Variants in IFT88 observed in about 807,000 individuals in gnomAD.
The protein encoded by IFT88 is intraflagellar transport 88.
A neutral mutation model predicts 119.5 loss-of-function variants in IFT88; 74 were observed. The observed-to-expected ratio is 0.62, with a 90% CI of 0.51 to 0.75. The LOEUF is 0.75. IFT88 is among the 30% of genes least tolerant of loss of function. The pLI is 0.00. For synonymous variants in IFT88, 279 were observed against 316.7 expected, an observed-to-expected ratio of 0.88 and a Z score of 1.26; for missense variants, 961 against 977.7, an observed-to-expected ratio of 0.98 and a Z score of 0.23.
intron 15 of IFT88, among the ~76,000 whole-genome samples, chr13:20,627,032 T>A (rs2047449919): frequency 6.6e-6 from 1 of 152,188 alleles, no homozygotes; most frequent in South Asian, 2.1e-4. Context: ...GAACATTATC[T>A]ACTAAAGAAT....
At chr13:20,658,569 T>C (rs981045880) in intron 22 of IFT88, among the ~76,000 whole-genome samples, 12 of 152,334 alleles carry the variant, frequency 7.9e-5, no homozygotes, top group African/African-American at 2.2e-4. Context: ...TAACTTTTCT[T>C]GAAAGTGGAA....
chr13:20,673,264 C>T (rs75306444), intron 24 of IFT88, among the ~76,000 whole-genome samples: 1,855 of 152,302 alleles, frequency 0.012, 37 homozygotes, highest in African/African-American at 0.043. Context: ...TAAAATCTCT[C>T]CCCTTAACTT....
At chr13:20,635,713 G>A (rs1360754485) in intron 16 of IFT88, among the ~76,000 whole-genome samples, 2 of 152,042 alleles carry the variant, frequency 1.3e-5, no homozygotes, top group East Asian at 1.9e-4. Flanking sequence ...ATCATACACC[G>A]GGGCCTGTCG....
At chr13:20,573,117 A>T (rs1372084461) in intron 1 of IFT88, among the ~76,000 whole-genome samples, 1 of 152,152 alleles carries the variant, frequency 6.6e-6, no homozygotes, top group African/African-American at 2.4e-5. Flanking sequence ...TGGGAGTGAA[A>T]CAGCAGTCAC....
chr13:20,643,546 C>G lies in IFT88; in HGVS notation c.1774C>G (p.Leu592Val). ...IPTDPQVLSKLGELYDREGDK... is the reference protein window; with the variant it reads ...IPTDPQVLSKVGELYDREGDK... ...AACCGATCCTCAAGTTTTATCTAAG[C>G]TAGGAGAATTATATGATCGTGAAGG... Residue 592 changes from leucine (L) to valine (V), a missense_variant, in exon 19 of 26, where the codon CTA (leucine) becomes GTA (valine). Transcript: ENST00000351808. 1 of 1,609,826 alleles carries G rather than the reference C, an allele frequency of 6.2e-7. No homozygotes were observed. The highest frequency in any genetic ancestry group is 8.5e-7 in the Non-Finnish European group (1 of 1,176,364).
Position 20,653,860 on chromosome 13 carries a change from T to C in IFT88, c.1950-16T>C. The C allele has an allele frequency of 1.4e-6, 2 of 1,477,578 alleles. No individual in the cohort carries two copies. The highest frequency in any genetic ancestry group is 1.8e-6 in the Non-Finnish European group (2 of 1,090,942). The allele number at this position is 1,477,578 out of a possible 1,614,324, so 91.5% of individuals were successfully genotyped here. On this transcript the variant is annotated splice_polypyrimidine_tract_variant and intron_variant, in intron 20 of 25. Coordinates refer to ENST00000351808, the MANE Select transcript of IFT88 (RefSeq NM_006531.5). ...TTTTTTTATCTCTAATTTCATCTCA[T>C]TTATTTATTTTATAGGCCTACACAA...
intron 20 of IFT88, among the ~76,000 whole-genome samples, chr13:20,653,350 C>T (rs1200594549): frequency 2.6e-5 from 4 of 152,066 alleles, no homozygotes; most frequent in Non-Finnish European, 5.9e-5. Flanking sequence ...TCTTGCCATC[C>T]TGAGATATTT....
At chr13:20,681,191 T>C (rs748350317) in intron 24 of IFT88, among the ~76,000 whole-genome samples, 3 of 152,210 alleles carry the variant, frequency 2.0e-5, no homozygotes, top group Non-Finnish European at 4.4e-5. Context: ...CCTGGGACAT[T>C]GTCCGTTTTA....
intron 14 of IFT88, among the ~76,000 whole-genome samples, chr13:20,617,467 A>C (rs2045821812): frequency 6.6e-6 from 1 of 152,150 alleles, no homozygotes; most frequent in Admixed American, 6.5e-5. Context: ...AGAATCCTTC[A>C]TTATCCAGTT....
At chr13:20,654,004 TC>T in intron 21 of IFT88, 76 bp downstream of exon 21, 1 of 738,388 alleles carries the variant, frequency 1.4e-6, no homozygotes, top group Admixed American at 2.6e-5. Flanking sequence ...ATAAATGTGA[TC>T]CAGTTGCATA....
intron 20 of IFT88, among the ~76,000 whole-genome samples, chr13:20,650,512 C>T (rs898964667): frequency 6.6e-6 from 1 of 152,130 alleles, no homozygotes; most frequent in Non-Finnish European, 1.5e-5. Flanking sequence ...TAACAGGATA[C>T]TGAATGGTGA....
chr13:20,588,520 T>A (rs1325245516), intron 3 of IFT88, among the ~76,000 whole-genome samples: 1 of 152,208 alleles, frequency 6.6e-6, no homozygotes, highest in Non-Finnish European at 1.5e-5. Flanking sequence ...GCTCTATGTC[T>A]GCACTACTCA....
intron 3 of IFT88, among the ~76,000 whole-genome samples, chr13:20,583,433 T>G (rs1051660456): frequency 2.0e-5 from 3 of 152,246 alleles, no homozygotes; most frequent in African/African-American, 7.2e-5. Flanking sequence ...TTCCATTGTA[T>G]GTTTATACCA....
Position 20,590,211 on chromosome 13 carries a change from G to T in IFT88, c.210+344G>T, listed in dbSNP as rs576691969. Among the ~76,000 whole-genome samples the T allele has an allele frequency of 2.9e-4, 44 of 152,070 alleles. No homozygotes were observed. The East Asian group carries it at 7.7e-3, about 27-fold the overall frequency. On this transcript the variant is annotated intron_variant, in intron 4 of 25. Coordinates refer to ENST00000351808, the MANE Select transcript of IFT88 (RefSeq NM_006531.5). ...CATAAATGTAATAGTGTATATAATT[G>T]GGAAACATTTACTAATTAACAAATA...
At chr13:20,623,843 ACCTCCT>A (rs1472823659) in intron 14 of IFT88, among the ~76,000 whole-genome samples, 1 of 151,916 alleles carries the variant, frequency 6.6e-6, no homozygotes. Context: ...CAAGTCTTTA[ACCTCCT>A]TGGTTATCCT....
intron 6 of IFT88, 28 bp downstream of exon 6, chr13:20,591,709 C>CT: frequency 3.4e-6 from 5 of 1,462,856 alleles, no homozygotes; most frequent in South Asian, 2.4e-5. Flanking sequence ...TACTAATAAT[C>CT]TTTTTTGGAT....
chr13:20,601,886 A>G lies in IFT88; in HGVS notation c.994A>G (p.Ile332Val), dbSNP rs1344701969. ...EKMKKAFQKL[I>V]TVPLEIDEDK... Reference sequence around the variant, plus strand: ...AATGAAGAAGGCATTCCAAAAATTGATTACTGTTCCATTAGAAATTGATGA... The same window carrying G: ...AATGAAGAAGGCATTCCAAAAATTGGTTACTGTTCCATTAGAAATTGATGA... Residue 332 changes from isoleucine (I) to valine (V), a missense_variant, in exon 12 of 26, where the codon ATT becomes GTT. Ile to Val is a conservative substitution (Grantham distance 29). Coordinates refer to ENST00000351808, the MANE Select transcript of IFT88 (RefSeq NM_006531.5). 1 of 1,609,622 alleles carries G rather than the reference A, an allele frequency of 6.2e-7. No individual in the cohort carries two copies. The highest frequency in any genetic ancestry group is 8.5e-7 in the Non-Finnish European group (1 of 1,175,974).
rs1388539905 is a variant in IFT88 at position 20,653,907 on chromosome 13, G to C, written c.1981G>C (p.Ala661Pro). 1.9e-6 allele frequency: 3 copies of C among 1,588,154 alleles called. No individual in the cohort carries two copies. Among genetic ancestry groups the C allele is most frequent in the Non-Finnish European group, 2.6e-6 (3 of 1,167,188 alleles). The stretch of plus-strand genomic sequence containing the variant: ...ACAAGTGAAATGGCAGCTGATGGTA[G>C]CTAGTTGTTTCAGAAGAAGTGGTAA... ...PTQVKWQLMVASCFRRSGNYQ... is the reference protein window; with the variant it reads ...PTQVKWQLMVPSCFRRSGNYQ... Residue 661 changes from alanine to proline, a missense_variant, in exon 21 of 26, where the codon GCT (alanine) becomes CCT (proline). Ala to Pro is a conservative substitution (Grantham distance 27, BLOSUM62 -1). Transcript: ENST00000351808.
intron 1 of IFT88, among the ~76,000 whole-genome samples, chr13:20,568,231 A>C (rs2035358517): frequency 6.6e-6 from 1 of 152,158 alleles, no homozygotes; most frequent in Non-Finnish European, 1.5e-5. Context: ...CATAGGTGGC[A>C]TCATCCCCAG....
Sources: gnomAD v4.1 joint callset for allele counts (sites outside exome capture counted in the v4.1 genomes callset) on GRCh38, gnomAD v4.1.1 for gene constraint, MANE v1.5 for transcripts, NCBI Gene and HGNC (gene_info 2026-07-23, HGNC 2026-07-21) for gene names.